EIF3A: variants seen among roughly 807,000 people sequenced by gnomAD.
The protein encoded by EIF3A is eukaryotic translation initiation factor 3 subunit A, also known as EIF3, p180 subunit.
A neutral mutation model predicts 186.6 loss-of-function variants in EIF3A; 21 were observed. That is an observed-to-expected ratio of 0.11 (90% CI 0.08 to 0.16). The LOEUF is 0.16. Ranked by LOEUF, EIF3A falls within the 10% of genes least tolerant of loss-of-function variation. EIF3A has a pLI of 1.00. For missense variants in EIF3A, 1,306 were observed against 1,796.3 expected (o/e 0.73, Z 4.93); for synonymous variants, 563 against 584.3 (o/e 0.96, Z 0.52).
intron 17 of EIF3A, among the ~76,000 whole-genome samples, chr10:119,044,745 G>C (rs1020679887): frequency 1.3e-5 from 2 of 152,056 alleles, no homozygotes; most frequent in African/African-American, 4.8e-5. Flanking sequence ...CTACTTGGGA[G>C]GCTGAGGCAG....
chr10:119,065,321 G>T, intron 7 of EIF3A, 78 bp downstream of exon 7: 1 of 1,043,736 alleles, frequency 9.6e-7, no homozygotes. Context: ...AGAATTCCCA[G>T]TATTTAATCA....
intron 1 of EIF3A, among the ~76,000 whole-genome samples, chr10:119,076,609 G>T (rs1413845843): frequency 6.6e-6 from 1 of 152,082 alleles, no homozygotes; most frequent in Non-Finnish European, 1.5e-5. Context: ...TCTTCTCCTG[G>T]TCTTCTCCTA....
At chr10:119,044,354 G>A (rs1332824508) in intron 17 of EIF3A, among the ~76,000 whole-genome samples, 1 of 152,244 alleles carries the variant, frequency 6.6e-6, no homozygotes, top group African/African-American at 2.4e-5. Flanking sequence ...CTTACAAACC[G>A]ATATAACACT....
At chr10:119,067,911 A>G (rs1844006450) in intron 6 of EIF3A, among the ~76,000 whole-genome samples, 1 of 152,090 alleles carries the variant, frequency 6.6e-6, no homozygotes, top group Non-Finnish European at 1.5e-5. Context: ...CCCAGGTTCA[A>G]GCCATTCTCC....
intron 12 of EIF3A, among the ~76,000 whole-genome samples, chr10:119,057,714 G>A (rs1229630766): frequency 1.3e-5 from 2 of 152,178 alleles, no homozygotes; most frequent in Admixed American, 1.3e-4. Context: ...GGCGGAGGTT[G>A]CAGTGAGCTG....
At chr10:119,048,928 A>C (rs1848318204) in intron 17 of EIF3A, among the ~76,000 whole-genome samples, 1 of 152,098 alleles carries the variant, frequency 6.6e-6, no homozygotes, top group East Asian at 1.9e-4. Flanking sequence ...GGCTTCCCAA[A>C]GTGCTGGGAA....
At chr10:119,038,074 G>A (rs1848159732) in intron 20 of EIF3A, 164 bp downstream of exon 20, 2 of 621,984 alleles carry the variant, frequency 3.2e-6, no homozygotes, top group Admixed American at 2.5e-5. Flanking sequence ...GCGCCACCAC[G>A]CCCGGCTAAT....
chr10:119,052,528 C>A (rs1272388012), intron 14 of EIF3A, among the ~76,000 whole-genome samples: 1 of 152,028 alleles, frequency 6.6e-6, no homozygotes, highest in Non-Finnish European at 1.5e-5. Flanking sequence ...GCACACTCCA[C>A]CATGCCTGGC....
chr10:119,069,451 C>G lies in EIF3A; in HGVS notation c.945G>C (p.Met315Ile). 2 of 1,373,816 alleles carry G rather than the reference C, an allele frequency of 1.5e-6. No individual in the cohort carries two copies. Among genetic ancestry groups the G allele is most frequent in the Non-Finnish European group, 2.1e-6 (2 of 960,374 alleles). The allele number at this position is 1,373,816 out of a possible 1,614,324, so 85.1% of individuals were successfully genotyped here. Residue 315 changes from methionine to isoleucine, a missense_variant, in exon 6 of 22, where the codon ATG (methionine) becomes ATC (isoleucine). By Grantham distance (10) the Met-to-Ile change is conservative (BLOSUM62 1). This residue lies in a region of EIF3A where 267 missense variants were observed against 367.8 expected (regional missense o/e 0.73). Transcript: ENST00000369144. ...EMRKNLTQDE[M>I]QRMSTRVLLA... The stretch of plus-strand genomic sequence containing the variant: ...TCCAAGTATAACATTTTTACCTTTG[C>G]ATCTCATCTTGTGTGAGATTCTTTC...
At chr10:119,053,000 C>A (rs1848379122) in intron 14 of EIF3A, among the ~76,000 whole-genome samples, 1 of 152,180 alleles carries the variant, frequency 6.6e-6, no homozygotes, top group Non-Finnish European at 1.5e-5. Context: ...AGAATGCATA[C>A]TGTGTTAACA....
chr10:119,073,650 T>TTTAAGAGAAA, intron 2 of EIF3A, 73 bp from the exon 3 acceptor site: 1 of 1,575,236 alleles, frequency 6.3e-7, no homozygotes, highest in South Asian at 1.2e-5. Flanking sequence ...AAGGCAAATT[T>TTTAAGAGAAA]TTAAGAGAAA....
At chr10:119,067,467 T>C (rs1216157638) in intron 6 of EIF3A, among the ~76,000 whole-genome samples, 1 of 152,174 alleles carries the variant, frequency 6.6e-6, no homozygotes, top group Non-Finnish European at 1.5e-5. Context: ...CGCGCTCGCC[T>C]GTAGTCTCTG....
chr10:119,076,667 C>G (rs1331274746), intron 1 of EIF3A, among the ~76,000 whole-genome samples: 7 of 151,864 alleles, frequency 4.6e-5, no homozygotes, highest in African/African-American at 1.7e-4. Context: ...TACAGCCAGG[C>G]GCCTTGGCTC....
chr10:119,061,287 T>G lies in EIF3A; in HGVS notation c.1164A>C (p.Lys388Asn). The G allele has an allele frequency of 6.3e-7, 1 of 1,595,352 alleles. No homozygotes were observed. Among genetic ancestry groups the G allele is most frequent in the Non-Finnish European group, 8.6e-7 (1 of 1,167,688 alleles). Residue 388 changes from lysine (K) to asparagine (N), a missense_variant, in exon 8 of 22, where the codon AAA becomes AAC. Lys to Asn is a moderately conservative substitution (Grantham distance 94, BLOSUM62 0). Transcript: ENST00000369144. ...NVLQYVVPEV[K>N]DLYNWLEVEF... ...CTACTTCAAGCCAATTGTAAAGGTC[T>G]TTCACTTCTGGGACAACATATTGTA...
Position 119,042,228 on chromosome 10 carries a change from C to A in EIF3A, c.3292G>T (p.Gly1098Cys), listed in dbSNP as rs1251456087. 1 of 1,613,222 alleles carries A rather than the reference C, an allele frequency of 6.2e-7. No homozygotes were observed. The highest frequency in any genetic ancestry group is 8.5e-7 in the Non-Finnish European group (1 of 1,179,814). The change falls in exon 19 of 22, where the codon GGT (glycine) becomes TGT (cysteine). Residue 1098 changes from glycine to cysteine, a missense_variant. Coordinates refer to ENST00000369144, the MANE Select transcript of EIF3A (RefSeq NM_003750.4). The surrounding 1 kb of genome is among the most constrained non-coding windows in gnomAD (Gnocchi z 7.8). ...TCATCATCCATGCCTCGCCTGGGAC[C>A]CCGGTCATCATCCATGCCTCGCCTG... ...GPRRGMDDDR[G>C]PRRGMDDDRG...
chr10:119,056,239 C>T (rs1053812127), intron 14 of EIF3A, among the ~76,000 whole-genome samples: 2 of 152,102 alleles, frequency 1.3e-5, no homozygotes, highest in African/African-American at 4.8e-5. Context: ...ATGGAATGAC[C>T]TGTTTAGTCA....
At chr10:119,043,571 C>T (rs752503874) in intron 18 of EIF3A, among the ~76,000 whole-genome samples, 2 of 152,078 alleles carry the variant, frequency 1.3e-5, no homozygotes, top group African/African-American at 4.8e-5. Flanking sequence ...GCCGAGATCG[C>T]GCCACTGCAC....
At chr10:119,049,463 C>T (rs1848325826) in intron 17 of EIF3A, among the ~76,000 whole-genome samples, 1 of 140,618 alleles carries the variant, frequency 7.1e-6, no homozygotes, top group Admixed American at 7.5e-5. Flanking sequence ...CACTGCACTC[C>T]AGCCTGGGCA....
chr10:119,046,590 T>C (rs541321178), intron 17 of EIF3A, among the ~76,000 whole-genome samples: 11 of 152,368 alleles, frequency 7.2e-5, no homozygotes, highest in African/African-American at 2.4e-5. Context: ...GGTATGGTCA[T>C]GATTTTGTTT....
Sources: allele counts gnomAD v4.1 joint callset (sites outside exome capture counted in the v4.1 genomes callset), GRCh38; gene constraint gnomAD v4.1.1; regional missense constraint gnomAD v4.1.1; non-coding constraint Gnocchi (gnomAD v3.1); transcripts MANE v1.5; gene names NCBI Gene and HGNC (gene_info 2026-07-23, HGNC 2026-07-21).